The following MAPK4 variants were observed in gnomAD, a reference collection of about 807,000 sequenced individuals.
MAPK4 encodes the protein Erk3-related.
Under a neutral mutation model 47.7 loss-of-function variants are expected in MAPK4, and 22 were observed. The ratio of observed to expected loss-of-function variants is 0.46; its 90% CI spans 0.33 to 0.66. The LOEUF (loss-of-function observed/expected upper bound fraction) is 0.66. Among genes scored for constraint, MAPK4 ranks in the 30% least tolerant of loss-of-function variants. The probability of loss-of-function intolerance (pLI) is 0.02; values close to 1 mark genes in which losing one functional copy is unlikely to be tolerated. For synonymous variants in MAPK4, 390 were observed against 365.7 expected (o/e 1.07, Z -0.76); for missense variants, 736 against 831.7 (o/e 0.88, Z 1.42).
chr18:50,640,874 A>G (rs777243831), intron 1 of MAPK4, among the ~76,000 whole-genome samples: 4 of 152,206 alleles, frequency 2.6e-5, no homozygotes, highest in Non-Finnish European at 5.9e-5. Context: ...AAGGAGAGGA[A>G]GGGACAACTT....
At chr18:50,638,036 G>T (rs1446613350) in intron 1 of MAPK4, among the ~76,000 whole-genome samples, 1 of 152,210 alleles carries the variant, frequency 6.6e-6, no homozygotes, top group Non-Finnish European at 1.5e-5. Flanking sequence ...CACCTTAAGG[G>T]CATCATGCAT....
chr18:50,595,858 C>T (rs1482047499), intron 1 of MAPK4, among the ~76,000 whole-genome samples: 1 of 152,058 alleles, frequency 6.6e-6, no homozygotes, highest in Non-Finnish European at 1.5e-5. Flanking sequence ...CACACGCTTT[C>T]CATTTATTGT....
chr18:50,583,300 C>A (rs2042362104), intron 1 of MAPK4, among the ~76,000 whole-genome samples: 1 of 152,144 alleles, frequency 6.6e-6, no homozygotes, highest in South Asian at 2.1e-4. Context: ...TCAGAAGGAA[C>A]CAATCAGCCA....
At chr18:50,691,912 G>A (rs1194363837) in intron 2 of MAPK4, among the ~76,000 whole-genome samples, 1 of 148,846 alleles carries the variant, frequency 6.7e-6, no homozygotes, top group Non-Finnish European at 1.5e-5. Context: ...TTCCCTACCT[G>A]AGCACTCAGA....
intron 3 of MAPK4, among the ~76,000 whole-genome samples, chr18:50,721,310 A>T (rs1910924017): frequency 6.6e-6 from 1 of 152,176 alleles, no homozygotes; most frequent in African/African-American, 2.4e-5. Context: ...TGCTCGATAA[A>T]TAACTATTTA....
intron 1 of MAPK4, among the ~76,000 whole-genome samples, chr18:50,600,182 C>T (rs1229323215): frequency 2.6e-5 from 4 of 152,178 alleles, no homozygotes; most frequent in Admixed American, 2.0e-4. Context: ...GAACAGTCGG[C>T]GACTTCCAGC....
At chr18:50,598,806 C>G (rs1202361143) in intron 1 of MAPK4, among the ~76,000 whole-genome samples, 4 of 152,110 alleles carry the variant, frequency 2.6e-5, no homozygotes, top group Non-Finnish European at 4.4e-5. Flanking sequence ...TTGAGGAGTA[C>G]TAGTCAGATG....
chr18:50,675,097 C>G (rs985707820), intron 2 of MAPK4, among the ~76,000 whole-genome samples: 75 of 152,284 alleles, frequency 4.9e-4, no homozygotes, highest in African/African-American at 1.7e-3. Flanking sequence ...GCTGTTGTTG[C>G]CCCCATTGTC....
At chr18:50,596,370 G>A (rs538932915) in intron 1 of MAPK4, among the ~76,000 whole-genome samples, 3 of 152,176 alleles carry the variant, frequency 2.0e-5, no homozygotes, top group Admixed American at 2.0e-4. Flanking sequence ...AATTGACCTG[G>A]GATTTGATCT....
At chr18:50,675,593 G>A (rs541029526) in intron 2 of MAPK4, among the ~76,000 whole-genome samples, 7 of 152,292 alleles carry the variant, frequency 4.6e-5, no homozygotes, top group East Asian at 3.9e-4. Context: ...CTGGGTTCAC[G>A]TGATTCTCCT....
At chr18:50,569,925 G>C (rs559578410) in intron 1 of MAPK4, among the ~76,000 whole-genome samples, 5 of 152,232 alleles carry the variant, frequency 3.3e-5, no homozygotes, top group African/African-American at 1.2e-4. Flanking sequence ...AGGCCTACAT[G>C]TCTAGATCTC....
At chr18:50,670,960 T>A (rs1907913252) in intron 2 of MAPK4, among the ~76,000 whole-genome samples, 1 of 152,174 alleles carries the variant, frequency 6.6e-6, no homozygotes, top group Non-Finnish European at 1.5e-5. Context: ...TTAAGAACCA[T>A]TGACCCAAAG....
At chr18:50,696,313 T>C (rs537720691) in intron 2 of MAPK4, among the ~76,000 whole-genome samples, 10 of 152,210 alleles carry the variant, frequency 6.6e-5, no homozygotes, top group African/African-American at 2.4e-4. Flanking sequence ...TTATGGTTTG[T>C]ATTGCTTTTA....
At chr18:50,564,608 G>A (rs1472752833) in intron 1 of MAPK4, among the ~76,000 whole-genome samples, 1 of 152,152 alleles carries the variant, frequency 6.6e-6, no homozygotes, top group African/African-American at 2.4e-5. Context: ...AATTAACATG[G>A]CAGAACTTTT....
At chr18:50,642,395 A>G (rs1345569585) in intron 1 of MAPK4, among the ~76,000 whole-genome samples, 2 of 152,212 alleles carry the variant, frequency 1.3e-5, no homozygotes, top group Non-Finnish European at 2.9e-5. Flanking sequence ...TTAAATTACT[A>G]AGTATGCTTC....
chr18:50,688,904 A>AG (rs1909045188), intron 2 of MAPK4, among the ~76,000 whole-genome samples: 2 of 150,992 alleles, frequency 1.3e-5, no homozygotes, highest in African/African-American at 2.4e-5. Flanking sequence ...AAAAAAAAAA[A>AG]AAAAAAGAAA....
chr18:50,586,922 C>T (rs1356576506), intron 1 of MAPK4, among the ~76,000 whole-genome samples: 1 of 151,908 alleles, frequency 6.6e-6, no homozygotes, highest in Non-Finnish European at 1.5e-5. Flanking sequence ...TGTGGTGACA[C>T]CTTCAAATTG....
intron 1 of MAPK4, among the ~76,000 whole-genome samples, chr18:50,577,939 A>G (rs568519387): frequency 6.6e-6 from 1 of 152,274 alleles, no homozygotes; most frequent in Admixed American, 6.5e-5. Flanking sequence ...ATTTGGAGAA[A>G]AATAACCAGA....
In MAPK4 at chr18:50,725,328, C is replaced by A. The variant is rs562769414; in HGVS notation, c.854-634C>A. 2.6e-5 allele frequency among the ~76,000 whole-genome samples: 4 copies of A among 152,310 alleles called. No homozygotes were observed. The South Asian group carries it at 8.3e-4, about 32-fold the overall frequency. On this transcript the variant is annotated intron_variant, in intron 4 of 5. Coordinates refer to ENST00000400384, the MANE Select transcript of MAPK4 (RefSeq NM_002747.4). ...TGGATTCGGACCCAGGAGCTCTGGG[C>A]TGTGGAGACCCTGTCCCACCCCTCG... is the stretch of plus-strand genomic sequence containing the variant.
Sources: gnomAD v4.1 joint callset for allele counts (sites outside exome capture counted in the v4.1 genomes callset) on GRCh38, gnomAD v4.1.1 for gene constraint, MANE v1.5 for transcripts, NCBI Gene and HGNC (gene_info 2026-07-23, HGNC 2026-07-21) for gene names.